Variants in SYNE1 observed in about 807,000 individuals in gnomAD.
SYNE1 encodes nesprin-1.
A neutral mutation model predicts 1,111.0 loss-of-function variants in SYNE1; 616 were observed. The ratio of observed to expected loss-of-function variants is 0.55; its 90% CI spans 0.52 to 0.59. SYNE1 has a LOEUF of 0.59. Ranked by LOEUF, SYNE1 falls within the 20% of genes least tolerant of loss-of-function variation. The pLI is 0.00. For synonymous variants in SYNE1, 3,855 were observed against 3,825.8 expected, an observed-to-expected ratio of 1.01 and a Z score of -0.28; for missense variants, 10,006 against 10,417.0, an observed-to-expected ratio of 0.96 and a Z score of 1.72.
At chr6:152,221,383 A>G in intron 118 of SYNE1, 43 bp downstream of exon 118, 1 of 1,600,462 alleles carries the variant, frequency 6.2e-7, no homozygotes, top group Non-Finnish European at 8.6e-7. Context: ...ATTTATAATA[A>G]GGCTGTGATA....
At chr6:152,130,305 T>C (rs1310636350) in intron 145 of SYNE1, among the ~76,000 whole-genome samples, 11 of 152,230 alleles carry the variant, frequency 7.2e-5, no homozygotes, top group Non-Finnish European at 1.6e-4. Context: ...GATGTTAGTA[T>C]ATTTTATTCA....
In SYNE1 at chr6:152,336,970, T is replaced by C. The variant is rs368597714; in HGVS notation, c.12399A>G (p.Glu4133=). 55 of 1,613,908 alleles carry C rather than the reference T, an allele frequency of 3.4e-5. No homozygotes were observed. The highest frequency in any genetic ancestry group is 4.6e-5 in the Non-Finnish European group (54 of 1,179,974). ...VQAQNLTQGW[E]EIKHLKSELW... is the part of the protein sequence containing the mutation. Reference sequence around the variant, plus strand: ...GCTCAGACTTCAGGTGCTTGATCTCTTCCCAGCCCTGAGTTAAGTTCTGGG... The same window carrying C: ...GCTCAGACTTCAGGTGCTTGATCTCCTCCCAGCCCTGAGTTAAGTTCTGGG... Residue 4133 remains glutamate (E), a synonymous_variant, in exon 76 of 146, where the codon GAA becomes GAG. Transcript: ENST00000367255.
intron 41 of SYNE1, among the ~76,000 whole-genome samples, chr6:152,414,915 T>C (rs1195257698): frequency 6.6e-6 from 1 of 152,212 alleles, no homozygotes; most frequent in East Asian, 1.9e-4. Context: ...ATTCTTAAAC[T>C]AATCAGATAA....
At chr6:152,193,846 C>A (rs183897077) in intron 127 of SYNE1, among the ~76,000 whole-genome samples, 86 of 151,638 alleles carry the variant, frequency 5.7e-4, no homozygotes, top group Non-Finnish European at 1.1e-3. Flanking sequence ...CCTGTCTCTA[C>A]TAAAAAAATA....
chr6:152,435,746 T>A (rs1353954493), intron 33 of SYNE1, 195 bp downstream of exon 33: 3 of 646,848 alleles, frequency 4.6e-6, no homozygotes, highest in African/African-American at 1.8e-5. Context: ...TCCTTTATAT[T>A]TTTTGGGCTC....
At chr6:152,547,457 T>G (rs2099319598) in intron 3 of SYNE1, among the ~76,000 whole-genome samples, 1 of 152,216 alleles carries the variant, frequency 6.6e-6, no homozygotes, top group Non-Finnish European at 1.5e-5. Context: ...CTCATGATTC[T>G]GGCTAGGGAG....
chr6:152,361,404 G>C (rs1015156344), intron 64 of SYNE1, among the ~76,000 whole-genome samples: 4 of 152,220 alleles, frequency 2.6e-5, no homozygotes, highest in African/African-American at 9.6e-5. Context: ...ATGGAGGCAA[G>C]AAACAAGGTG....
rs1308068026 is a variant in SYNE1 at position 152,354,965 on chromosome 6, T to C, written c.10620A>G (p.Val3540=). ...ACAGGGCCTGCCCCTCTGCACAGTG[T>C]ACCTGTAGCTCCTGCAGAGAAAAAG... The part of the protein sequence containing the change: ...TTLRDLQELQ[V]HCAEGQALLN... Residue 3540 remains valine (V), a synonymous_variant, in exon 67 of 146, where the codon GTA becomes GTG. Coordinates refer to ENST00000367255, the MANE Select transcript of SYNE1 (RefSeq NM_182961.4). 3 of 1,613,906 alleles carry C rather than the reference T, an allele frequency of 1.9e-6. No homozygotes were observed. The highest frequency in any genetic ancestry group is 2.5e-6 in the Non-Finnish European group (3 of 1,180,052).
chr6:152,371,935 CAGGAA>C lies in SYNE1; in HGVS notation c.9507+1097_9507+1101del, dbSNP rs202166129. 6.8e-4 allele frequency among the ~76,000 whole-genome samples: 43 copies of C among 62,858 alleles called. 1 individual carries two copies. The highest frequency in any genetic ancestry group is 1.1e-3 in the African/African-American group (17 of 16,164). The allele number at this position is 62,858 out of a possible 152,430, so 41.2% of individuals were successfully genotyped here. A position where few individuals can be genotyped will look rare whatever the true frequency, so the allele number is the denominator to read the frequency against. ...AAGGAAAGGAAAGGACAGGACAGGA[CAGGAA>C]AGGAAAGGAAAGGAAAGGAAAGGAA... On this transcript the variant is annotated intron_variant, in intron 59 of 145. Coordinates refer to ENST00000367255, the MANE Select transcript of SYNE1 (RefSeq NM_182961.4).
intron 137 of SYNE1, 68 bp from the exon 138 acceptor site, chr6:152,143,833 G>C (rs752594250): frequency 6.8e-6 from 11 of 1,608,702 alleles, no homozygotes; most frequent in Non-Finnish European, 9.4e-6. Context: ...TGATATTCAA[G>C]GAGAAGTTTC....
chr6:152,277,979 C>A, intron 98 of SYNE1, 110 bp downstream of exon 98: 1 of 1,153,832 alleles, frequency 8.7e-7, no homozygotes. Context: ...AGCAGGTACA[C>A]ACACAAGTAC....
intron 3 of SYNE1, among the ~76,000 whole-genome samples, chr6:152,580,457 T>C (rs748410909): frequency 6.6e-5 from 10 of 152,194 alleles, no homozygotes; most frequent in Non-Finnish European, 1.2e-4. Context: ...TCCCATTCTG[T>C]AGGTTGTCTG....
chr6:152,380,259 A>C (rs1041829153), intron 56 of SYNE1, among the ~76,000 whole-genome samples: 13 of 152,220 alleles, frequency 8.5e-5, no homozygotes, highest in African/African-American at 1.9e-4. Flanking sequence ...GGAGCAGAGA[A>C]GTTTACTAAA....
At chr6:152,312,012 C>T (rs1370582944) in intron 87 of SYNE1, among the ~76,000 whole-genome samples, 3 of 152,182 alleles carry the variant, frequency 2.0e-5, no homozygotes, top group African/African-American at 7.2e-5. Context: ...TCTCGATCTC[C>T]TGACCTCGTG....
At chr6:152,164,360 C>T (rs374692963) in intron 130 of SYNE1, 35 bp from the exon 131 acceptor site, 629 of 1,612,876 alleles carry the variant, frequency 3.9e-4, no homozygotes, top group Admixed American at 1.4e-3. Flanking sequence ...CCCACTTCAG[C>T]GAGAGGCCCA....
chr6:152,321,217 C>G (rs1443621984), intron 84 of SYNE1, 21 bp downstream of exon 84: 1 of 1,612,906 alleles, frequency 6.2e-7, no homozygotes, highest in Non-Finnish European at 8.5e-7. Context: ...GAAAGACACT[C>G]TTTCTTGATC....
rs1302629019 is a variant in SYNE1 at position 152,122,214 on chromosome 6, C to T, written c.*222G>A. ...AGTGCTAAGGTTCAGAGTCTCAAAC[C>T]AGATTTCTTCCAAACCTTCTTGTTG... On this transcript the variant is annotated 3_prime_UTR_variant, in exon 146 of 146. Transcript: ENST00000367255. 1.5e-6 allele frequency: 1 copy of T among 681,960 alleles called. No homozygotes were observed. The highest frequency in any genetic ancestry group is 2.4e-6 in the Non-Finnish European group (1 of 409,538). 42.2% of individuals were successfully genotyped at this position (681,960 alleles called of 1,614,324 possible).
chr6:152,219,844 G>T (rs1301646242), intron 119 of SYNE1, among the ~76,000 whole-genome samples: 1 of 152,154 alleles, frequency 6.6e-6, no homozygotes, highest in African/African-American at 2.4e-5. Context: ...ATAAGCCAAT[G>T]GAAACTCCCT....
At chr6:152,511,183 G>A in intron 6 of SYNE1, 80 bp from the exon 7 acceptor site, 2 of 1,246,652 alleles carry the variant, frequency 1.6e-6, no homozygotes, top group Non-Finnish European at 2.3e-6. Context: ...TAGGCCTTTA[G>A]TAGACATCAA....
Sources: allele counts gnomAD v4.1 joint callset (sites outside exome capture counted in the v4.1 genomes callset), GRCh38; gene constraint gnomAD v4.1.1; transcripts MANE v1.5; gene names NCBI Gene and HGNC (gene_info 2026-07-23, HGNC 2026-07-21).